Variants in CREB5 observed in about 807,000 individuals in gnomAD.
CREB5 encodes the protein cAMP responsive element binding protein 5.
A neutral mutation model predicts 57.1 loss-of-function variants in CREB5; 19 were observed. The observed-to-expected ratio is 0.33, with a 90% CI of 0.23 to 0.49. The LOEUF is 0.49. Ranked by LOEUF, CREB5 falls within the 20% of genes least tolerant of loss-of-function variation. The pLI is 0.99. For missense variants in CREB5, 579 were observed against 671.6 expected (o/e 0.86, Z 1.52); for synonymous variants, 238 against 238.3 (o/e 1.00, Z 0.01).
At chr7:28,564,070 G>T (rs768961462) in intron 4 of CREB5, among the ~76,000 whole-genome samples, 3 of 141,334 alleles carry the variant, frequency 2.1e-5, no homozygotes, top group African/African-American at 7.9e-5. Flanking sequence ...GCTTCCAGAG[G>T]GTTAGAACCT....
chr7:28,681,504 A>G (rs745322166), intron 5 of CREB5, among the ~76,000 whole-genome samples: 3 of 152,106 alleles, frequency 2.0e-5, no homozygotes, highest in Non-Finnish European at 4.4e-5. Flanking sequence ...TAGCAGGACT[A>G]TAGATGTATG....
At chr7:28,388,773 G>A (rs1416477764) in intron 1 of CREB5, among the ~76,000 whole-genome samples, 2 of 152,142 alleles carry the variant, frequency 1.3e-5, no homozygotes, top group East Asian at 1.9e-4. Context: ...TCTTAGAGCT[G>A]GCATTTGTTG....
intron 1 of CREB5, among the ~76,000 whole-genome samples, chr7:28,456,534 A>G (rs1201379649): frequency 6.6e-6 from 1 of 151,976 alleles, no homozygotes; most frequent in African/African-American, 2.4e-5. Flanking sequence ...ATTGTGAAGG[A>G]TTGCCTGCTA....
chr7:28,675,545 T>C (rs185491296), intron 5 of CREB5, among the ~76,000 whole-genome samples: 7 of 152,094 alleles, frequency 4.6e-5, no homozygotes, highest in African/African-American at 1.7e-4. Context: ...AGAGAGGTAG[T>C]GAAAGGGGAG....
intron 8 of CREB5, among the ~76,000 whole-genome samples, chr7:28,806,635 C>T (rs911774681): frequency 6.6e-5 from 10 of 152,146 alleles, no homozygotes; most frequent in Admixed American, 2.6e-4. Flanking sequence ...GCATTTTCTC[C>T]TGGCTTCTTG....
At chr7:28,576,764 C>T (rs1795925411) in intron 5 of CREB5, among the ~76,000 whole-genome samples, 1 of 152,168 alleles carries the variant, frequency 6.6e-6, no homozygotes, top group Non-Finnish European at 1.5e-5. Context: ...GTTGGCTTTG[C>T]CTGTGAGCTT....
intron 1 of CREB5, among the ~76,000 whole-genome samples, chr7:28,340,399 G>A (rs1048616895): frequency 6.6e-6 from 1 of 152,172 alleles, no homozygotes; most frequent in African/African-American, 2.4e-5. Flanking sequence ...AAGGCAGTGG[G>A]TTCCCTTCTG....
intron 1 of CREB5, among the ~76,000 whole-genome samples, chr7:28,370,069 T>C (rs1429315838): frequency 6.6e-6 from 1 of 152,216 alleles, no homozygotes; most frequent in Non-Finnish European, 1.5e-5. Context: ...AGAATTACTA[T>C]AATGTCTTTG....
intron 4 of CREB5, among the ~76,000 whole-genome samples, chr7:28,565,222 G>C (rs1795431008): frequency 6.6e-6 from 1 of 152,220 alleles, no homozygotes; most frequent in African/African-American, 2.4e-5. Context: ...AGGTCATCTG[G>C]TGCCATCTCC....
chr7:28,771,792 G>T (rs1263625544), intron 7 of CREB5, among the ~76,000 whole-genome samples: 2 of 150,056 alleles, frequency 1.3e-5, no homozygotes, highest in Non-Finnish European at 3.0e-5. Context: ...TTCCCCGTGG[G>T]TGGGTGGGAG....
chr7:28,764,636 CTT>C (rs2128771778), intron 7 of CREB5, among the ~76,000 whole-genome samples: 1 of 152,310 alleles, frequency 6.6e-6, no homozygotes, highest in African/African-American at 2.4e-5. Flanking sequence ...TTTCAAAACT[CTT>C]TGCAAATATT....
chr7:28,325,107 C>CT (rs1785562233), intron 1 of CREB5, among the ~76,000 whole-genome samples: 1 of 152,182 alleles, frequency 6.6e-6, no homozygotes, highest in Non-Finnish European at 1.5e-5. Context: ...TTCTTTGCTT[C>CT]TACACTTATA....
intron 1 of CREB5, among the ~76,000 whole-genome samples, chr7:28,352,849 A>C (rs749242744): frequency 5.3e-5 from 8 of 152,178 alleles, no homozygotes; most frequent in Non-Finnish European, 8.8e-5. Context: ...TGGTTCATTA[A>C]TGTGCCCACT....
chr7:28,398,889 A>T (rs1271012954), intron 1 of CREB5, among the ~76,000 whole-genome samples: 1 of 151,886 alleles, frequency 6.6e-6, no homozygotes, highest in Non-Finnish European at 1.5e-5. Flanking sequence ...TTTTTAAAAA[A>T]TTTTGTTGTA....
chr7:28,811,077 C>T lies in CREB5; in HGVS notation c.1254+1663C>T, dbSNP rs574839907. Among the ~76,000 whole-genome samples, 6 of 152,308 alleles carry T rather than the reference C, an allele frequency of 3.9e-5. No homozygotes were observed. In the South Asian group the frequency reaches 1.2e-3, roughly 32 times the overall value. On this transcript the variant is annotated intron_variant, in intron 9 of 10. Transcript: ENST00000357727. ...GGAAGATTGGGACTGTCTCTTACTA[C>T]TCCCTCCGCCCACTATCTATCTATC... is the stretch of plus-strand genomic sequence containing the variant.
chr7:28,659,384 G>A (rs1335269769), intron 5 of CREB5, among the ~76,000 whole-genome samples: 1 of 152,076 alleles, frequency 6.6e-6, no homozygotes, highest in Non-Finnish European at 1.5e-5. Flanking sequence ...CCAATTATGA[G>A]GAAGTTTAAA....
intron 3 of CREB5, among the ~76,000 whole-genome samples, chr7:28,501,333 G>C (rs982070670): frequency 2.0e-5 from 3 of 152,192 alleles, no homozygotes; most frequent in African/African-American, 7.2e-5. Flanking sequence ...AAAGAACAAA[G>C]AGTTGTGGTT....
intron 1 of CREB5, among the ~76,000 whole-genome samples, chr7:28,426,888 G>A (rs1788530931): frequency 6.6e-6 from 1 of 152,146 alleles, no homozygotes; most frequent in South Asian, 2.1e-4. Context: ...CACAGTAGAT[G>A]GCAAATTAAT....
chr7:28,602,462 CAA>C (rs949365764), intron 5 of CREB5, among the ~76,000 whole-genome samples: 1 of 152,108 alleles, frequency 6.6e-6, no homozygotes, highest in African/African-American at 2.4e-5. Flanking sequence ...AATGGTTAAC[CAA>C]AGTGTGGTAC....
Sources: allele counts gnomAD v4.1 joint callset (sites outside exome capture counted in the v4.1 genomes callset), GRCh38; gene constraint gnomAD v4.1.1; transcripts MANE v1.5; gene names NCBI Gene and HGNC (gene_info 2026-07-23, HGNC 2026-07-21).